The following FRMD3 variants were observed in gnomAD, a reference collection of about 807,000 sequenced individuals.
The protein encoded by FRMD3 is FERM domain containing 3.
A neutral mutation model predicts 70.2 loss-of-function variants in FRMD3; 33 were observed. The observed-to-expected ratio is 0.47, with a 90% CI of 0.36 to 0.63. The LOEUF is 0.63. FRMD3 is among the 20% of genes least tolerant of loss of function. The pLI, the probability that FRMD3 is intolerant of heterozygous loss-of-function variation, is 0.00. For missense variants in FRMD3, 632 were observed against 711.4 expected, an observed-to-expected ratio of 0.89 and a Z score of 1.27; for synonymous variants, 279 against 255.9, an observed-to-expected ratio of 1.09 and a Z score of -0.86.
chr9:83,551,560 T>C, the FRMD3 span, among the ~76,000 whole-genome samples: 4 of 152,114 alleles, frequency 2.6e-5, no homozygotes, highest in Admixed American at 1.3e-4. Context: ...GTACCACCTC[T>C]TCTTTGTACA....
chr9:83,581,082 G>T, the FRMD3 span, among the ~76,000 whole-genome samples: 2 of 142,988 alleles, frequency 1.4e-5, no homozygotes, highest in Admixed American at 7.4e-5. Context: ...CATATTAAAG[G>T]TTTACTTTTT....
At chr9:83,308,496 T>A (rs560066155) in intron 10 of FRMD3, among the ~76,000 whole-genome samples, 1 of 152,198 alleles carries the variant, frequency 6.6e-6, no homozygotes, top group South Asian at 2.1e-4. Context: ...AATCTCACTG[T>A]AAGGGGCAGG....
chr9:83,424,896 C>T (rs1371626604), intron 1 of FRMD3, among the ~76,000 whole-genome samples: 1 of 152,212 alleles, frequency 6.6e-6, no homozygotes, highest in Non-Finnish European at 1.5e-5. Context: ...GGGGTTCACC[C>T]AGTTCTATCT....
At chr9:83,341,103 T>A (rs1344305328) in intron 5 of FRMD3, among the ~76,000 whole-genome samples, 1 of 152,212 alleles carries the variant, frequency 6.6e-6, no homozygotes, top group Non-Finnish European at 1.5e-5. Flanking sequence ...AGTTCTGAAA[T>A]GCCCATCTAT....
chr9:83,485,970 G>A (rs1474604282), intron 1 of FRMD3, among the ~76,000 whole-genome samples: 1 of 151,684 alleles, frequency 6.6e-6, no homozygotes, highest in Non-Finnish European at 1.5e-5. Flanking sequence ...TGTATATGTT[G>A]TATATCATAC....
rs145144764 is a variant in FRMD3, at chr9:83,476,045, A to G, written c.147+62040T>C. Among the ~76,000 whole-genome samples, 558 of 152,322 alleles carry G rather than the reference A, an allele frequency of 3.7e-3. 3 individuals are homozygous for G. Among genetic ancestry groups the G allele is most frequent in the African/African-American group, 0.012 (490 of 41,574 alleles). On this transcript the variant is annotated intron_variant, in intron 1 of 13. Transcript: ENST00000304195. ...ATCTATTTCAGGTCCCATATCAAAA[A>G]TAAGTGCTGTATCCTTGGGCCGACA...
At chr9:83,355,135 T>C (rs1231862234) in intron 3 of FRMD3, among the ~76,000 whole-genome samples, 1 of 152,166 alleles carries the variant, frequency 6.6e-6, no homozygotes. Flanking sequence ...TGTGCAGCGA[T>C]GACTAACCCC....
At chr9:83,471,827 C>G (rs1182924563) in intron 1 of FRMD3, among the ~76,000 whole-genome samples, 1 of 152,126 alleles carries the variant, frequency 6.6e-6, no homozygotes, top group East Asian at 1.9e-4. Flanking sequence ...AAATTCTCAC[C>G]AGGGAGCTAG....
Position 83,311,892 on chromosome 9 carries a change from T to TATC in FRMD3, c.765_767dup (p.Leu255_Ile256insMet). ...TTTTCCAAAGAGGCACTTACCATTTTATCAAATGGATTCTCTTATTTCCCT... is the reference window on the plus strand; with the variant it reads ...TTTTCCAAAGAGGCACTTACCATTTTATCATCAAATGGATTCTCTTATTTCCCT... On this transcript the variant is annotated inframe_insertion, in exon 8 of 14. Transcript: ENST00000304195. 1 of 1,603,724 alleles carries TATC rather than the reference T, an allele frequency of 6.2e-7. No individual in the cohort carries two copies. Among genetic ancestry groups the TATC allele is most frequent in the Non-Finnish European group, 8.5e-7 (1 of 1,172,368 alleles).
rs184877511 is a variant in FRMD3, at chr9:83,298,400, G to A, written c.1070+348C>T. ...AGGCCAATGGGAACGGGCCAAATAT[G>A]ATGAATACAGGCAGGAACAGAGAAC... is the stretch of plus-strand genomic sequence containing the variant. On this transcript the variant is annotated intron_variant, in intron 12 of 13. Transcript: ENST00000304195. 2.6e-5 allele frequency among the ~76,000 whole-genome samples: 4 copies of A among 152,326 alleles called. No individual in the cohort carries two copies. In the East Asian group the frequency reaches 7.7e-4, roughly 29 times the overall value.
At chr9:83,346,255 C>CAAAAAA (rs56163115) in intron 4 of FRMD3, among the ~76,000 whole-genome samples, 17 of 62,122 alleles carry the variant, frequency 2.7e-4, no homozygotes, top group Admixed American at 6.5e-4. Context: ...GACGCCATCT[C>CAAAAAA]AAAAAAAAAA....
chr9:83,455,414 C>A (rs1485741026), intron 1 of FRMD3, among the ~76,000 whole-genome samples: 1 of 152,180 alleles, frequency 6.6e-6, no homozygotes, highest in African/African-American at 2.4e-5. Flanking sequence ...CTTTCCCGTG[C>A]CATTCTCATG....
rs968695147 is a variant in FRMD3 at position 83,246,421 on chromosome 9, C to T, written c.*1497G>A. 2 of 982,450 alleles carry T rather than the reference C, an allele frequency of 2.0e-6. No individual in the cohort carries two copies. The allele number at this position is 982,450 out of a possible 1,614,324, so 60.9% of individuals were successfully genotyped here. On this transcript the variant is annotated 3_prime_UTR_variant, in exon 14 of 14. Coordinates refer to ENST00000304195, the MANE Select transcript of FRMD3 (RefSeq NM_174938.6). ...AATTGTTGGATTAAATCCTTTCCAT[C>T]ATGGATTTAATGGTATCAAGGAAGG...
At chr9:83,368,115 G>C (rs1824847994) in intron 3 of FRMD3, among the ~76,000 whole-genome samples, 1 of 152,068 alleles carries the variant, frequency 6.6e-6, no homozygotes, top group South Asian at 2.1e-4. Context: ...AAACTATACT[G>C]GCATGAAACA....
chr9:83,436,622 T>C (rs180885006), intron 1 of FRMD3, among the ~76,000 whole-genome samples: 1 of 152,204 alleles, frequency 6.6e-6, no homozygotes, highest in East Asian at 1.9e-4. Flanking sequence ...ATTTCTTATA[T>C]TGAAACCAGT....
chr9:83,393,612 G>A (rs1450500383), intron 1 of FRMD3, among the ~76,000 whole-genome samples: 1 of 151,952 alleles, frequency 6.6e-6, no homozygotes, highest in Non-Finnish European at 1.5e-5. Flanking sequence ...GGGGGTGGTG[G>A]GAGACAGTGA....
At chr9:83,297,848 G>A in intron 12 of FRMD3, 1 of 471,358 alleles carries the variant, frequency 2.1e-6, no homozygotes, top group South Asian at 1.5e-5. Context: ...CTGCACTTCT[G>A]CTCCCCGGTG....
At chr9:83,279,023 G>A (rs1833881597) in intron 13 of FRMD3, 1 of 152,220 alleles carries the variant, frequency 6.6e-6, no homozygotes, top group African/African-American at 2.4e-5. Flanking sequence ...GTACTGAGAA[G>A]ACCACAGATC....
intron 1 of FRMD3, among the ~76,000 whole-genome samples, chr9:83,428,532 T>C (rs1278856505): frequency 6.6e-6 from 1 of 151,466 alleles, no homozygotes; most frequent in Admixed American, 6.6e-5. Flanking sequence ...CACATATATA[T>C]ACATGTGTGC....
Sources: gnomAD v4.1 joint callset for allele counts (sites outside exome capture counted in the v4.1 genomes callset) on GRCh38, gnomAD v4.1.1 for gene constraint, MANE v1.5 for transcripts, NCBI Gene and HGNC (gene_info 2026-07-23, HGNC 2026-07-21) for gene names.